The following ARHGAP15 variants were observed in gnomAD, a reference collection of about 807,000 sequenced individuals.
ARHGAP15 encodes Rho GTPase activating protein 15.
In ARHGAP15, 51 loss-of-function variants were observed where a neutral mutation model predicts 63.7. That is an observed-to-expected ratio of 0.80 (90% CI 0.64 to 1.01). The LOEUF is 1.01. Ranked by LOEUF, ARHGAP15 falls within the 50% of genes least tolerant of loss-of-function variation. The probability of loss-of-function intolerance (pLI) is 0.00; values close to 1 mark genes in which losing one functional copy is unlikely to be tolerated. For synonymous variants in ARHGAP15, 191 were observed against 193.8 expected (o/e 0.99, Z 0.12); for missense variants, 560 against 564.6 (o/e 0.99, Z 0.08).
intron 13 of ARHGAP15, among the ~76,000 whole-genome samples, chr2:143,763,537 T>G (rs1686834737): frequency 6.6e-6 from 1 of 151,892 alleles, no homozygotes; most frequent in Non-Finnish European, 1.5e-5. Context: ...CTAAAGACAG[T>G]GATTTCTTCA....
chr2:143,315,884 A>T lies in ARHGAP15; in HGVS notation c.474+65284A>T, dbSNP rs1248073679. 9.1e-5 allele frequency among the ~76,000 whole-genome samples: 13 copies of T among 142,138 alleles called. No homozygotes were observed. In the East Asian group the frequency reaches 2.1e-3, roughly 23 times the overall value. 93.2% of individuals were successfully genotyped at this position (142,138 alleles called of 152,430 possible). On this transcript the variant is annotated intron_variant, in intron 6 of 13. Coordinates refer to ENST00000295095, the MANE Select transcript of ARHGAP15 (RefSeq NM_018460.4). ...TGGATCACCTGAAGTCAGGAGTTCAAGATCAGCCTGGCCAACACGGTGAAA... is the reference window on the plus strand; with the variant it reads ...TGGATCACCTGAAGTCAGGAGTTCATGATCAGCCTGGCCAACACGGTGAAA...
intron 8 of ARHGAP15, among the ~76,000 whole-genome samples, chr2:143,466,640 C>T (rs1558990641): frequency 6.6e-6 from 1 of 152,074 alleles, no homozygotes; most frequent in African/African-American, 2.4e-5. Context: ...ATTCCATCCT[C>T]TTTTTTGTGC....
At chr2:143,515,913 A>G (rs933036816) in intron 9 of ARHGAP15, among the ~76,000 whole-genome samples, 48 of 152,234 alleles carry the variant, frequency 3.2e-4, no homozygotes, top group African/African-American at 1.1e-3. Flanking sequence ...ATTCCTCGGC[A>G]TACCCCAGTC....
intron 2 of ARHGAP15, among the ~76,000 whole-genome samples, chr2:143,190,564 T>A (rs551161368): frequency 6.6e-6 from 1 of 152,290 alleles, no homozygotes; most frequent in South Asian, 2.1e-4. Flanking sequence ...CAAGTGACCT[T>A]GAGTCTAGAC....
At chr2:143,658,385 T>C (rs1681569903) in intron 12 of ARHGAP15, among the ~76,000 whole-genome samples, 1 of 152,244 alleles carries the variant, frequency 6.6e-6, no homozygotes, top group Non-Finnish European at 1.5e-5. Flanking sequence ...TGTTCATATC[T>C]TGTATCTCAG....
At chr2:143,426,902 G>A (rs1689158942) in intron 6 of ARHGAP15, among the ~76,000 whole-genome samples, 1 of 152,176 alleles carries the variant, frequency 6.6e-6, no homozygotes, top group African/African-American at 2.4e-5. Flanking sequence ...CTAAGTGGCA[G>A]TATTGTAATT....
intron 2 of ARHGAP15, among the ~76,000 whole-genome samples, chr2:143,191,203 G>C (rs1185485659): frequency 6.6e-6 from 1 of 152,160 alleles, no homozygotes; most frequent in Non-Finnish European, 1.5e-5. Context: ...TCCAAAGTAT[G>C]ATCAGTTATT....
In ARHGAP15 at chr2:143,435,654, C is replaced by A; in HGVS notation, c.528C>A (p.Ile176=). ...TTCTACAGTCAGATATTGACTTCAT[C>A]ATATTGGATTGGTTCCACGCTATCA... The part of the protein sequence containing the change: ...EFLLQSDIDF[I]ILDWFHAIKN... Residue 176 remains isoleucine (I), a synonymous_variant, in exon 7 of 14, where the codon ATC becomes ATA. Coordinates refer to ENST00000295095, the MANE Select transcript of ARHGAP15 (RefSeq NM_018460.4). 6.3e-7 allele frequency: 1 copy of A among 1,597,868 alleles called. No homozygotes were observed. Among genetic ancestry groups the A allele is most frequent in the Non-Finnish European group, 8.5e-7 (1 of 1,173,936 alleles).
chr2:143,477,394 TATC>T (rs200549251), intron 8 of ARHGAP15, among the ~76,000 whole-genome samples: 9,025 of 152,016 alleles, frequency 0.059, 333 homozygotes, highest in Middle Eastern at 0.099. Flanking sequence ...GCAGGATGCC[TATC>T]ATATTTTAAT....
intron 6 of ARHGAP15, among the ~76,000 whole-genome samples, chr2:143,358,870 G>C (rs1462560330): frequency 6.6e-6 from 1 of 151,172 alleles, no homozygotes; most frequent in Non-Finnish European, 1.5e-5. Context: ...TGAGTGGGTA[G>C]CCAAATTCTA....
At chr2:143,659,594 G>T (rs887568901) in intron 12 of ARHGAP15, among the ~76,000 whole-genome samples, 4 of 152,076 alleles carry the variant, frequency 2.6e-5, no homozygotes, top group African/African-American at 9.7e-5. Flanking sequence ...CACAGTCACG[G>T]GTGAGAAAGG....
chr2:143,419,164 A>C (rs1332819801), intron 6 of ARHGAP15, among the ~76,000 whole-genome samples: 1 of 151,850 alleles, frequency 6.6e-6, no homozygotes, highest in Non-Finnish European at 1.5e-5. Context: ...AAAAAACCAC[A>C]AATGCCTAAT....
At chr2:143,631,223 T>C (rs1184350302) in intron 12 of ARHGAP15, among the ~76,000 whole-genome samples, 1 of 152,136 alleles carries the variant, frequency 6.6e-6, no homozygotes, top group East Asian at 1.9e-4. Flanking sequence ...CAGTTGTTTA[T>C]GGATATTTGG....
At chr2:143,306,211 A>G (rs1683162077) in intron 6 of ARHGAP15, among the ~76,000 whole-genome samples, 1 of 152,146 alleles carries the variant, frequency 6.6e-6, no homozygotes. Context: ...TAATATATTT[A>G]CCAAAAATGT....
chr2:143,548,619 T>A (rs1228008523), intron 10 of ARHGAP15, among the ~76,000 whole-genome samples: 1 of 152,014 alleles, frequency 6.6e-6, no homozygotes. Context: ...TAAAAATTCT[T>A]ATTTTCCATA....
intron 6 of ARHGAP15, among the ~76,000 whole-genome samples, chr2:143,253,187 T>G (rs1280636534): frequency 7.6e-6 from 1 of 132,372 alleles, no homozygotes; most frequent in Non-Finnish European, 1.7e-5. Context: ...TTAGAAATAT[T>G]TTAAAATTTG....
intron 6 of ARHGAP15, among the ~76,000 whole-genome samples, chr2:143,258,881 T>C (rs554937210): frequency 5.5e-4 from 83 of 152,242 alleles, no homozygotes; most frequent in Non-Finnish European, 1.1e-3. Flanking sequence ...ATTCTAACAG[T>C]CTCACTTTCT....
At chr2:143,217,137 A>C (rs1692786695) in intron 4 of ARHGAP15, among the ~76,000 whole-genome samples, 1 of 152,176 alleles carries the variant, frequency 6.6e-6, no homozygotes, top group Non-Finnish European at 1.5e-5. Flanking sequence ...TCAAGTTGAG[A>C]GACAAGGCAT....
At chr2:143,715,993 C>G (rs1684792659) in intron 13 of ARHGAP15, among the ~76,000 whole-genome samples, 1 of 152,020 alleles carries the variant, frequency 6.6e-6, no homozygotes. Flanking sequence ...ACATTGGGGC[C>G]TGTTGGAAGG....
Sources: gnomAD v4.1 joint callset for allele counts (sites outside exome capture counted in the v4.1 genomes callset) on GRCh38, gnomAD v4.1.1 for gene constraint, MANE v1.5 for transcripts, NCBI Gene and HGNC (gene_info 2026-07-23, HGNC 2026-07-21) for gene names.